The following CHL1 variants were observed in gnomAD, a reference collection of about 807,000 sequenced individuals.
CHL1 encodes neural cell adhesion molecule L1-like protein.
CHL1 carries 96 observed loss-of-function variants against 141.9 expected under a neutral mutation model. That is an observed-to-expected ratio of 0.68 (90% CI 0.57 to 0.80). CHL1 has a LOEUF of 0.80. Ranked by LOEUF, CHL1 falls within the 30% of genes least tolerant of loss-of-function variation. The pLI, the probability that CHL1 is intolerant of heterozygous loss-of-function variation, is 0.00. For synonymous variants in CHL1, 613 were observed against 502.2 expected (o/e 1.22, Z -2.95); for missense variants, 1,820 against 1,457.2 (o/e 1.25, Z -4.05).
intron 2 of CHL1, among the ~76,000 whole-genome samples, chr3:315,292 G>A (rs1370280100): frequency 1.3e-5 from 2 of 152,138 alleles, no homozygotes; most frequent in Non-Finnish European, 1.5e-5. Context: ...CAGCCATCTA[G>A]CAATGGTGGC....
intron 1 of CHL1, among the ~76,000 whole-genome samples, chr3:236,189 C>A (rs1215212421): frequency 6.6e-6 from 1 of 152,128 alleles, no homozygotes; most frequent in African/African-American, 2.4e-5. Context: ...TTCCCAGGAG[C>A]TTTGTCATAT....
At position 337,505 on chromosome 3, in the gene CHL1, A is replaced by C. The variant is rs1050123463; in HGVS notation, c.386-3289A>C. 2.6e-5 allele frequency among the ~76,000 whole-genome samples: 4 copies of C among 151,120 alleles called. 1 individual carries two copies. The South Asian group carries it at 6.3e-4, about 24-fold the overall frequency. ...TACATTAGGTATGTCTCCCAATGCTATCCCTCCCCTCTCCCCCCACCCCAC... is the reference window on the plus strand; with the variant it reads ...TACATTAGGTATGTCTCCCAATGCTCTCCCTCCCCTCTCCCCCCACCCCAC... On this transcript the variant is annotated intron_variant, in intron 5 of 27. Transcript: ENST00000256509.
In CHL1 at chr3:360,317, G is replaced by A. The variant is rs1704113526; in HGVS notation, c.1199G>A (p.Arg400Lys). The stretch of plus-strand genomic sequence containing the variant: ...TTTGCTGGTGATGTTGTCTTCCCCA[G>A]GGAAATCAGTTTTACCAACCTTCAA... Reference protein sequence around the residue: ...HPFAGDVVFPREISFTNLQPN... With the variant: ...HPFAGDVVFPKEISFTNLQPN... Residue 400 changes from arginine to lysine, a missense_variant, in exon 12 of 28, where the codon AGG (arginine) becomes AAG (lysine). Arg to Lys is a conservative substitution (Grantham distance 26, BLOSUM62 2). Coordinates refer to ENST00000256509, the MANE Select transcript of CHL1 (RefSeq NM_006614.4). 6 of 1,613,786 alleles carry A rather than the reference G, an allele frequency of 3.7e-6. No individual in the cohort carries two copies. Among genetic ancestry groups the A allele is most frequent in the Middle Eastern group, 3.3e-4 (2 of 6,056 alleles).
Position 366,046 on chromosome 3 carries a change from AAC to A in CHL1, c.1686_1687del (p.His562GlnfsTer8). 6.2e-7 allele frequency: 1 copy of A among 1,613,874 alleles called. No individual in the cohort carries two copies. Among genetic ancestry groups the A allele is most frequent in the Non-Finnish European group, 8.5e-7 (1 of 1,179,774 alleles). Reference sequence around the variant, plus strand: ...GAAAGCAAATGTGACTCACATTTGAAACACAGTTTGAAGTTGTCCTGGAGTAA... The same window carrying A: ...GAAAGCAAATGTGACTCACATTTGAAACAGTTTGAAGTTGTCCTGGAGTAA... On this transcript the variant is annotated frameshift_variant, in exon 15 of 28. Coordinates refer to ENST00000256509, the MANE Select transcript of CHL1 (RefSeq NM_006614.4). LOFTEE classifies it high-confidence loss of function.
At chr3:253,442 T>C (rs1047678449) in intron 2 of CHL1, among the ~76,000 whole-genome samples, 1 of 152,012 alleles carries the variant, frequency 6.6e-6, no homozygotes, top group Non-Finnish European at 1.5e-5. Context: ...GTCTCAGAGG[T>C]GTTTGGGTTT....
At chr3:365,091 G>A (rs1440075735) in intron 14 of CHL1, among the ~76,000 whole-genome samples, 1 of 152,114 alleles carries the variant, frequency 6.6e-6, no homozygotes, top group East Asian at 1.9e-4. Flanking sequence ...CCAGTTCCTT[G>A]AGAAAAATGT....
At chr3:311,321 A>G (rs1050507153) in intron 2 of CHL1, among the ~76,000 whole-genome samples, 4 of 152,010 alleles carry the variant, frequency 2.6e-5, no homozygotes, top group East Asian at 1.9e-4. Flanking sequence ...GACTGCTTCA[A>G]TAGTAATGCA....
intron 5 of CHL1, among the ~76,000 whole-genome samples, chr3:338,791 A>C (rs1702136128): frequency 6.6e-6 from 1 of 152,200 alleles, no homozygotes; most frequent in Non-Finnish European, 1.5e-5. Context: ...CTTAGAAGCC[A>C]GTTGAATTAC....
At chr3:402,686 T>C (rs3856873) in intron 27 of CHL1, among the ~76,000 whole-genome samples, 138,843 of 152,202 alleles carry the variant, frequency 0.91, 64,234 homozygotes, top group East Asian at 1. Flanking sequence ...TGTACCTCCA[T>C]TTTGTGGTAT....
chr3:313,642 A>G (rs1699925990), intron 2 of CHL1, among the ~76,000 whole-genome samples: 2 of 152,210 alleles, frequency 1.3e-5, no homozygotes, highest in Admixed American at 1.3e-4. Flanking sequence ...TAATTTTAAA[A>G]TAATTTGTTT....
intron 1 of CHL1, among the ~76,000 whole-genome samples, chr3:225,493 G>A (rs1027410014): frequency 7.2e-5 from 11 of 152,192 alleles, no homozygotes; most frequent in Non-Finnish European, 1.5e-4. Context: ...CCTCAAGCAC[G>A]AGAATAGTAT....
chr3:350,263 C>T (rs1206749405), intron 10 of CHL1, among the ~76,000 whole-genome samples: 2 of 152,180 alleles, frequency 1.3e-5, no homozygotes, highest in South Asian at 2.1e-4. Flanking sequence ...AAAGATGATA[C>T]CATTTAAATG....
chr3:361,839 G>C (rs778392496), intron 13 of CHL1, 29 bp downstream of exon 13: 5 of 1,397,318 alleles, frequency 3.6e-6, no homozygotes, highest in Admixed American at 3.4e-5. Context: ...GTTTTCTTAA[G>C]AGAATGTCAA....
rs137893814 is a variant in CHL1, at chr3:338,055, G to C, written c.386-2739G>C. On this transcript the variant is annotated intron_variant, in intron 5 of 27. Coordinates refer to ENST00000256509, the MANE Select transcript of CHL1 (RefSeq NM_006614.4). ...TTTTTTTGGCATTTTTAGTAGAGAC[G>C]GGGTTTCACCATGTTAGCCAGGATG... 2.0e-5 allele frequency among the ~76,000 whole-genome samples: 3 copies of C among 151,996 alleles called. No homozygotes were observed. In the South Asian group the frequency reaches 6.2e-4, roughly 32 times the overall value.
intron 4 of CHL1, among the ~76,000 whole-genome samples, chr3:327,182 A>G (rs1473070120): frequency 6.6e-6 from 1 of 151,984 alleles, no homozygotes; most frequent in Non-Finnish European, 1.5e-5. Context: ...ATGAGAATAC[A>G]TGTCCATTGA....
At chr3:312,056 A>G (rs1398335043) in intron 2 of CHL1, among the ~76,000 whole-genome samples, 1 of 152,222 alleles carries the variant, frequency 6.6e-6, no homozygotes, top group Admixed American at 6.5e-5. Flanking sequence ...GTATATACAT[A>G]AGTTTTTATA....
chr3:283,996 C>G (rs1696897355), intron 2 of CHL1, among the ~76,000 whole-genome samples: 1 of 152,194 alleles, frequency 6.6e-6, no homozygotes, highest in South Asian at 2.1e-4. Flanking sequence ...CACTCTCCCT[C>G]ACTGATTCAT....
At chr3:286,249 T>G (rs1269750387) in intron 2 of CHL1, among the ~76,000 whole-genome samples, 1 of 151,928 alleles carries the variant, frequency 6.6e-6, no homozygotes, top group Non-Finnish European at 1.5e-5. Context: ...GCCCCAAAAG[T>G]GGGTTCTTGG....
intron 2 of CHL1, among the ~76,000 whole-genome samples, chr3:261,779 A>T (rs942046863): frequency 3.3e-5 from 5 of 152,140 alleles, no homozygotes; most frequent in Non-Finnish European, 7.4e-5. Flanking sequence ...TTGAATAAAA[A>T]GATAATAATT....
Sources: allele counts gnomAD v4.1 joint callset (sites outside exome capture counted in the v4.1 genomes callset), GRCh38; gene constraint gnomAD v4.1.1; transcripts MANE v1.5; gene names NCBI Gene and HGNC (gene_info 2026-07-23, HGNC 2026-07-21).